Variants in MMADHC observed in about 807,000 individuals in gnomAD.
MMADHC encodes the protein metabolism of cobalamin associated D.
A neutral mutation model predicts 36.3 loss-of-function variants in MMADHC; 23 were observed. That is an observed-to-expected ratio of 0.63 (90% confidence interval 0.46 to 0.90). The LOEUF is 0.90. MMADHC is among the 40% of genes least tolerant of loss of function. The pLI is 0.00. For synonymous variants in MMADHC, 97 were observed against 116.1 expected (o/e 0.84, Z 1.06); for missense variants, 330 against 348.0 (o/e 0.95, Z 0.41).
rs776704075 is a variant in MMADHC at position 149,579,398 on chromosome 2, A to G, written c.372+33T>C. 9.0e-6 allele frequency: 14 copies of G among 1,563,234 alleles called. No individual in the cohort carries two copies. In the South Asian group the frequency reaches 1.6e-4, roughly 17 times the overall value. On this transcript the variant is annotated intron_variant, in intron 4 of 7. Coordinates refer to ENST00000303319, the MANE Select transcript of MMADHC (RefSeq NM_015702.3). ...ATCAAGTCATATAGCATTAATAATC[A>G]GGAAAGCACAATAAATGTTACCAAC...
At chr2:149,580,615 TA>T (rs1364788029) in intron 3 of MMADHC, among the ~76,000 whole-genome samples, 1 of 152,180 alleles carries the variant, frequency 6.6e-6, no homozygotes, top group African/African-American at 2.4e-5. Context: ...GCAATAAAAA[TA>T]GATATTTAAA....
intron 3 of MMADHC, among the ~76,000 whole-genome samples, chr2:149,580,897 G>C (rs1682784620): frequency 6.6e-6 from 1 of 152,120 alleles, no homozygotes; most frequent in Non-Finnish European, 1.5e-5. Flanking sequence ...CTGGAGTGGG[G>C]CTCAAGATTT....
At chr2:149,582,064 G>A in intron 3 of MMADHC, 63 bp downstream of exon 3, 3 of 1,578,690 alleles carry the variant, frequency 1.9e-6, no homozygotes, top group Non-Finnish European at 2.6e-6. Context: ...AAATATTAGA[G>A]GAAAATACAA....
At chr2:149,584,864 C>T (rs1025269992) in intron 2 of MMADHC, among the ~76,000 whole-genome samples, 6 of 151,650 alleles carry the variant, frequency 4.0e-5, no homozygotes, top group South Asian at 2.1e-4. Context: ...GGTGAAACCC[C>T]GTTTCTACTA....
At chr2:149,587,372 G>A in intron 1 of MMADHC, 6 of 542,948 alleles carry the variant, frequency 1.1e-5, no homozygotes, top group Non-Finnish European at 2.0e-5. Context: ...TTACAGCCGC[G>A]GAAAAACAAC....
chr2:149,571,683 G>C (rs534050169), intron 6 of MMADHC, among the ~76,000 whole-genome samples: 27 of 151,926 alleles, frequency 1.8e-4, no homozygotes, highest in Admixed American at 1.6e-3. Context: ...GGGAGGCTGA[G>C]GCAGGAGAAT....
At position 149,571,062 on chromosome 2, in the gene MMADHC, A is replaced by C; in HGVS notation, c.696+23T>G. On this transcript the variant is annotated intron_variant, in intron 7 of 7. Transcript: ENST00000303319. ...AATCATCTCTACTTCATATAATCTG[A>C]TTTTCAAATGATAATTACTCACTGC... 3 of 1,528,434 alleles carry C rather than the reference A, an allele frequency of 2.0e-6. No homozygotes were observed. The African/African-American group carries it at 4.1e-5, about 21-fold the overall frequency. The allele number at this position is 1,528,434 out of a possible 1,614,324, so 94.7% of individuals were successfully genotyped here. A position where few individuals can be genotyped will look rare whatever the true frequency, so the allele number is the denominator to read the frequency against.
At position 149,575,784 on chromosome 2, in the gene MMADHC, G is replaced by A. The variant is rs777727132; in HGVS notation, c.536C>T (p.Thr179Ile). The change falls in exon 6 of 8, where the codon ACA becomes ATA. Residue 179 changes from threonine to isoleucine, a missense_variant. Thr to Ile is a moderately conservative substitution (Grantham distance 89). Transcript: ENST00000303319. ...ANGKLMILTV[T>I]QKTKNDMTVW... is the part of the protein sequence containing the mutation. ...AGTCATATCATTCTTAGTTTTTTGTGTTACAGTCAGAATCATTAGTTTGCC... is the reference window on the plus strand; with the variant it reads ...AGTCATATCATTCTTAGTTTTTTGTATTACAGTCAGAATCATTAGTTTGCC... 22 of 1,608,318 alleles carry A rather than the reference G, an allele frequency of 1.4e-5. No individual in the cohort carries two copies. Among genetic ancestry groups the A allele is most frequent in the Non-Finnish European group, 1.6e-5 (19 of 1,175,944 alleles).
At chr2:149,586,960 C>T (rs1405712777) in intron 2 of MMADHC, 129 bp downstream of exon 2, 2 of 955,188 alleles carry the variant, frequency 2.1e-6, no homozygotes, top group Non-Finnish European at 3.4e-6. Flanking sequence ...CACTTGCTTC[C>T]CTTGACATTT....
In MMADHC at chr2:149,570,564, C is replaced by T. The variant is rs534169821; in HGVS notation, c.697-396G>A. On this transcript the variant is annotated intron_variant, in intron 7 of 7. Transcript: ENST00000303319. ...TGGTATATATTCCTATCTTAAGATT[C>T]AAAAAATGATTTAATTACTACTTGT... 3.3e-5 allele frequency among the ~76,000 whole-genome samples: 5 copies of T among 152,142 alleles called. No individual in the cohort carries two copies. In the South Asian group the frequency reaches 1.0e-3, roughly 32 times the overall value.
chr2:149,572,890 A>G (rs1335209794), intron 6 of MMADHC, among the ~76,000 whole-genome samples: 1 of 152,156 alleles, frequency 6.6e-6, no homozygotes, highest in Non-Finnish European at 1.5e-5. Context: ...CAGAAGTCCA[A>G]GCCTTACAAA....
chr2:149,576,035 G>C (rs573576440), intron 5 of MMADHC, among the ~76,000 whole-genome samples, 194 bp from the exon 6 acceptor site: 3 of 152,062 alleles, frequency 2.0e-5, no homozygotes, highest in Non-Finnish European at 2.9e-5. Context: ...TTCTGCTTTT[G>C]TTGGATGAAC....
At chr2:149,571,630 A>C (rs1017986963) in intron 6 of MMADHC, among the ~76,000 whole-genome samples, 1 of 152,114 alleles carries the variant, frequency 6.6e-6, no homozygotes, top group Non-Finnish European at 1.5e-5. Context: ...AATACAAAAA[A>C]TTAGCCGGGT....
rs115626551 is a variant in MMADHC at position 149,571,266 on chromosome 2, A to G, written c.610-95T>C. ...TTTTAAGTGACTATCTTGTTTCAGA[A>G]AAGAACTCAAGATTAATAAAAAAAT... On this transcript the variant is annotated intron_variant, in intron 6 of 7. Transcript: ENST00000303319. 11,104 of 746,672 alleles carry G rather than the reference A, an allele frequency of 0.015. 104 individuals are homozygous for G. The highest frequency in any genetic ancestry group is 0.018 in the Non-Finnish European group (8,802 of 478,096). The allele number at this position is 746,672 out of a possible 1,614,324, so 46.3% of individuals were successfully genotyped here.
intron 2 of MMADHC, among the ~76,000 whole-genome samples, chr2:149,585,965 A>G (rs1490752906): frequency 6.6e-6 from 1 of 152,198 alleles, no homozygotes; most frequent in Non-Finnish European, 1.5e-5. Flanking sequence ...TTCTACTTCA[A>G]TTAATTTCTC....
intron 5 of MMADHC, 39 bp from the exon 6 acceptor site, chr2:149,575,880 TG>T (rs1209496836): frequency 1.3e-6 from 2 of 1,511,770 alleles, no homozygotes; most frequent in East Asian, 4.6e-5. Flanking sequence ...GAAAAGAATT[TG>T]ATTTTTAAAG....
At chr2:149,578,634 T>C (rs1305825573) in intron 4 of MMADHC, among the ~76,000 whole-genome samples, 1 of 152,102 alleles carries the variant, frequency 6.6e-6, no homozygotes, top group East Asian at 1.9e-4. Flanking sequence ...TGTAATTTAG[T>C]TGGTAGACAG....
chr2:149,575,438 A>G (rs1434255999), intron 6 of MMADHC, among the ~76,000 whole-genome samples: 2 of 152,056 alleles, frequency 1.3e-5, no homozygotes, highest in African/African-American at 2.4e-5. Flanking sequence ...GAGAAGGATA[A>G]AGAGTTAATT....
At chr2:149,573,329 T>A (rs1301988367) in intron 6 of MMADHC, among the ~76,000 whole-genome samples, 1 of 152,180 alleles carries the variant, frequency 6.6e-6, no homozygotes, top group Non-Finnish European at 1.5e-5. Context: ...TGAGCCAGCA[T>A]AAGAAAGCCA....
Sources: allele counts gnomAD v4.1 joint callset (sites outside exome capture counted in the v4.1 genomes callset), GRCh38; gene constraint gnomAD v4.1.1; transcripts MANE v1.5; gene names NCBI Gene and HGNC (gene_info 2026-07-23, HGNC 2026-07-21).